Variants in NPM3 observed in about 807,000 individuals in gnomAD.
The protein encoded by NPM3 is nucleophosmin/nucleoplasmin 3.
NPM3 carries 12 observed loss-of-function variants against 18.1 expected under a neutral mutation model. The ratio of observed to expected loss-of-function variants is 0.66; its 90% CI spans 0.42 to 1.07. The LOEUF is 1.07. NPM3 is among the 50% of genes least tolerant of loss of function. The pLI is 0.00. For missense variants in NPM3, 274 were observed against 232.1 expected (o/e 1.18, Z -1.17); for synonymous variants, 116 against 93.7 (o/e 1.24, Z -1.38).
chr10:101,781,745 G>A (rs1554835491), exon 5 of NPM3: 1 of 1,614,078 alleles, frequency 6.2e-7, no homozygotes, highest in South Asian at 1.1e-5. Context: ...GCTAGGGCCT[G>A]CCCCCCTGCT....
exon 5 of NPM3, chr10:101,781,842 T>C (rs1293878888): frequency 1.2e-6 from 2 of 1,614,118 alleles, no homozygotes; most frequent in Non-Finnish European, 1.7e-6. Flanking sequence ...AGAAACATCA[T>C]TGCTCATCGT....
rs772560838 is a variant in NPM3 at position 101,782,615 on chromosome 10, G to A, written c.205-18C>T. ...AGGCAGAGCTGGGAACGGTACACAG[G>A]GCCTCAGGGTCTCCTCAAGTGAGGG... On this transcript the variant is annotated intron_variant, in intron 2 of 5. Coordinates refer to ENST00000370110, the Ensembl canonical transcript of NPM3. 1 of 1,613,044 alleles carries A rather than the reference G, an allele frequency of 6.2e-7. No individual in the cohort carries two copies. Among genetic ancestry groups the A allele is most frequent in the Non-Finnish European group, 8.5e-7 (1 of 1,179,926 alleles).
At chr10:101,782,293 G>A (rs778641797) in exon 4 of NPM3, 10 of 1,613,974 alleles carry the variant, frequency 6.2e-6, no homozygotes, top group African/African-American at 2.7e-5. Flanking sequence ...CACAGGGCCA[G>A]AGCCCGACTT....
intron 4 of NPM3, 135 bp downstream of exon 4, chr10:101,782,123 C>T: frequency 1.1e-6 from 1 of 909,318 alleles, no homozygotes; most frequent in Non-Finnish European, 1.7e-6. Context: ...GCACAGGGCA[C>T]AGCGTGGAGG....
chr10:101,783,273 C>T (rs1008705996), exon 1 of NPM3: 1 of 1,597,356 alleles, frequency 6.3e-7, no homozygotes, highest in Non-Finnish European at 8.5e-7. Flanking sequence ...TCACTAATAC[C>T]GAAGAAAAAA....
intron 4 of NPM3, 56 bp from the exon 5 acceptor site, chr10:101,781,910 C>T (rs2065144147): frequency 6.2e-7 from 1 of 1,613,904 alleles, no homozygotes; most frequent in Middle Eastern, 1.7e-4. Flanking sequence ...CCGTTTCACA[C>T]CGCATGCCAT....
At chr10:101,783,424 C>T, upstream of NPM3, 4 of 1,497,898 alleles carry the variant, frequency 2.7e-6, no homozygotes, top group South Asian at 1.2e-5. Flanking sequence ...CCGCCCCCGA[C>T]ACGCACAAAG....
chr10:101,781,379 T>C (rs2065138938), exon 6 of NPM3: 2 of 260,728 alleles, frequency 7.7e-6, no homozygotes, highest in Non-Finnish European at 1.4e-5. Context: ...GTAAAAACTA[T>C]TAAAAATGTG....
At chr10:101,783,157 G>A in intron 1 of NPM3, 116 bp downstream of exon 1, 1 of 903,202 alleles carries the variant, frequency 1.1e-6, no homozygotes, top group South Asian at 1.6e-5. Flanking sequence ...TCTCCTGCGG[G>A]AACAGCGAAG....
chr10:101,782,200 G>T, intron 4 of NPM3, 58 bp downstream of exon 4: 1 of 1,462,880 alleles, frequency 6.8e-7, no homozygotes, highest in Non-Finnish European at 9.5e-7. Flanking sequence ...GCGGAGTGGG[G>T]GAAGCCTGAT....
chr10:101,783,284 C>T, exon 1 of NPM3: 1 of 1,606,282 alleles, frequency 6.2e-7, no homozygotes, highest in South Asian at 1.1e-5. Flanking sequence ...GAAGAAAAAA[C>T]TGTCCATAGT....
chr10:101,782,599 T>C lies in NPM3; in HGVS notation c.205-2A>G. ...TTTGGCTCCCTCGGTGAGGCAGAGC[T>C]GGGAACGGTACACAGGGCCTCAGGG... On this transcript the variant is annotated splice_acceptor_variant, in intron 2 of 5. Coordinates refer to ENST00000370110, the Ensembl canonical transcript of NPM3. LOFTEE classifies it high-confidence loss of function. 5 of 1,613,738 alleles carry C rather than the reference T, an allele frequency of 3.1e-6. No individual in the cohort carries two copies. The highest frequency in any genetic ancestry group is 3.4e-6 in the Non-Finnish European group (4 of 1,179,990).
chr10:101,782,503 T>G (rs1411179994), exon 3 of NPM3: 1 of 1,613,286 alleles, frequency 6.2e-7, no homozygotes, highest in South Asian at 1.1e-5. Context: ...CAGCTTGAGG[T>G]TGGCCACAGG....
chr10:101,781,407 C>T (rs114483643), exon 6 of NPM3: 1 of 369,306 alleles, frequency 2.7e-6, no homozygotes, highest in Non-Finnish European at 4.9e-6. Context: ...GAGCTTCAGG[C>T]ACTAACCTCC....
Position 101,781,450 on chromosome 10 carries a change from G to A in NPM3, c.*192C>T, listed in dbSNP as rs1435399132. 7 of 433,648 alleles carry A rather than the reference G, an allele frequency of 1.6e-5. 1 individual carries two copies. The highest frequency in any genetic ancestry group is 4.0e-5 in the South Asian group (1 of 24,782). 26.9% of individuals were successfully genotyped at this position (433,648 alleles called of 1,614,324 possible). On this transcript the variant is annotated 3_prime_UTR_variant, in exon 6 of 6. Coordinates refer to ENST00000370110, the Ensembl canonical transcript of NPM3. ...ACAGGCAGGTGGGAAGGGAGGCCCCGGGCATGGTGAAAATCAGAAAACCAC... is the reference window on the plus strand; with the variant it reads ...ACAGGCAGGTGGGAAGGGAGGCCCCAGGCATGGTGAAAATCAGAAAACCAC...
exon 1 of NPM3, chr10:101,783,413 T>C: frequency 6.6e-7 from 1 of 1,523,106 alleles, no homozygotes. Flanking sequence ...TTCTTCAAAC[T>C]CCGCCCCCGA....
intron 2 of NPM3, 31 bp from the exon 3 acceptor site, chr10:101,782,628 C>T: frequency 6.2e-7 from 1 of 1,612,484 alleles, no homozygotes; most frequent in African/African-American, 1.3e-5. Flanking sequence ...CTCAGGGTCT[C>T]CTCAAGTGAG....
chr10:101,782,212 G>T, intron 4 of NPM3, 46 bp downstream of exon 4: 2 of 1,521,596 alleles, frequency 1.3e-6, no homozygotes, highest in Non-Finnish European at 1.8e-6. Flanking sequence ...AAGCCTGATG[G>T]GAGAGTCCAC....
At chr10:101,783,397 A>G (rs1339791237) in exon 1 of NPM3, 8 of 1,585,990 alleles carry the variant, frequency 5.0e-6, no homozygotes, top group East Asian at 2.3e-5. Context: ...CCATGCTGTA[A>G]GAGCCTTCTT....
Sources: gnomAD v4.1 joint callset for allele counts on GRCh38, gnomAD v4.1.1 for gene constraint, MANE v1.5 for transcripts, NCBI Gene and HGNC (gene_info 2026-07-23, HGNC 2026-07-21) for gene names.